ADGRB3: variants seen among roughly 807,000 people sequenced by gnomAD.
The protein encoded by ADGRB3 is brain-specific angiogenesis inhibitor 3.
ADGRB3 carries 37 observed loss-of-function variants against 193.4 expected under a neutral mutation model. That is an observed-to-expected ratio of 0.19 (90% CI 0.15 to 0.25). The LOEUF (loss-of-function observed/expected upper bound fraction) is 0.25. Ranked by LOEUF, ADGRB3 falls within the 10% of genes least tolerant of loss-of-function variation. ADGRB3 has a pLI of 1.00. For missense variants in ADGRB3, 1,637 were observed against 1,852.9 expected (o/e 0.88, Z 2.14); for synonymous variants, 690 against 644.2 (o/e 1.07, Z -1.08).
chr6:68,941,198 AT>A lies in ADGRB3; in HGVS notation c.1031-2629del, dbSNP rs1436415495. On this transcript the variant is annotated intron_variant, in intron 5 of 31. Transcript: ENST00000370598. Reference sequence around the variant, plus strand: ...CTGCAAAATTAAAAAATATATAACAATTTGCCATTAAAATAAAAATGTCTAA... The same window carrying A: ...CTGCAAAATTAAAAAATATATAACAATTGCCATTAAAATAAAAATGTCTAA... 2.6e-4 allele frequency among the ~76,000 whole-genome samples: 40 copies of A among 152,254 alleles called. 1 individual carries two copies. The highest frequency in any genetic ancestry group is 2.6e-3 in the Admixed American group (40 of 15,292).
chr6:68,856,723 G>A (rs1764995712), intron 3 of ADGRB3, among the ~76,000 whole-genome samples: 1 of 152,206 alleles, frequency 6.6e-6, no homozygotes, highest in African/African-American at 2.4e-5. Context: ...ATTTTCTGGG[G>A]AGAAATTCAA....
At chr6:69,137,507 A>G (rs1234686150) in intron 17 of ADGRB3, among the ~76,000 whole-genome samples, 1 of 152,104 alleles carries the variant, frequency 6.6e-6, no homozygotes, top group Non-Finnish European at 1.5e-5. Flanking sequence ...ACTGTAAGAA[A>G]TAGCCCCTTG....
chr6:68,745,851 A>T (rs1391793962), intron 3 of ADGRB3, among the ~76,000 whole-genome samples: 1 of 152,058 alleles, frequency 6.6e-6, no homozygotes, highest in Non-Finnish European at 1.5e-5. Context: ...ACTTCACAAT[A>T]TAACACAGCT....
intron 3 of ADGRB3, among the ~76,000 whole-genome samples, chr6:68,696,005 AG>A (rs1232562428): frequency 6.6e-6 from 1 of 151,930 alleles, no homozygotes; most frequent in East Asian, 1.9e-4. Context: ...TGCGACCCAA[AG>A]GGGGTAGTCT....
At chr6:69,173,490 G>A (rs1453879343) in intron 17 of ADGRB3, among the ~76,000 whole-genome samples, 1 of 152,180 alleles carries the variant, frequency 6.6e-6, no homozygotes, top group Non-Finnish European at 1.5e-5. Flanking sequence ...GATAAGACAG[G>A]TGTAAGAAAA....
rs117720666 is a variant in ADGRB3 at position 69,317,217 on chromosome 6, C to T, written c.2815-7655C>T. ...GGGTGAGTGGGCTTTTGAAAGGTAG[C>T]CTTCACAGTACGTACATCAAAGATG... is the stretch of plus-strand genomic sequence containing the variant. On this transcript the variant is annotated intron_variant, in intron 20 of 31. Transcript: ENST00000370598. 1.5e-4 allele frequency among the ~76,000 whole-genome samples: 22 copies of T among 151,492 alleles called. No homozygotes were observed. The East Asian group carries it at 4.1e-3, about 28-fold the overall frequency.
chr6:69,194,965 A>G (rs1765266463), intron 17 of ADGRB3, among the ~76,000 whole-genome samples: 1 of 152,144 alleles, frequency 6.6e-6, no homozygotes, highest in Non-Finnish European at 1.5e-5. Context: ...TTTTTTATTT[A>G]TCATATGGAC....
rs987600390 is a variant in ADGRB3, at chr6:68,889,046, G to A, written c.758-41513G>A. Among the ~76,000 whole-genome samples, 83 of 152,174 alleles carry A rather than the reference G, an allele frequency of 5.5e-4. 1 individual carries two copies. Among genetic ancestry groups the A allele is most frequent in the Non-Finnish European group, 1.3e-4 (9 of 68,028 alleles). On this transcript the variant is annotated intron_variant, in intron 3 of 31. Transcript: ENST00000370598. ...TACTTGTGTTTTGTCATGTTAGAAA[G>A]TACTTAAAGACAAAGGCTGTAAGAG...
chr6:69,332,437 C>G (rs1278336745), intron 23 of ADGRB3: 1 of 985,224 alleles, frequency 1.0e-6, no homozygotes, highest in African/African-American at 1.7e-5. Context: ...AAAGAATAAC[C>G]ACACAGCATG....
chr6:69,053,409 TTTA>T (rs1362589266), intron 15 of ADGRB3, among the ~76,000 whole-genome samples: 1 of 152,236 alleles, frequency 6.6e-6, no homozygotes, highest in East Asian at 1.9e-4. Flanking sequence ...TCTGTTACTA[TTTA>T]TTATTTTAAG....
intron 13 of ADGRB3, among the ~76,000 whole-genome samples, chr6:69,030,249 C>A (rs1234285691): frequency 6.6e-6 from 1 of 152,132 alleles, no homozygotes; most frequent in African/African-American, 2.4e-5. Flanking sequence ...CTTGACCCAG[C>A]AATCCCATTG....
chr6:68,654,159 TC>T (rs1220575325), intron 3 of ADGRB3, among the ~76,000 whole-genome samples: 1 of 152,058 alleles, frequency 6.6e-6, no homozygotes, highest in Non-Finnish European at 1.5e-5. Flanking sequence ...ATAATTAACA[TC>T]CCCTTTGAGT....
At chr6:69,357,329 G>A (rs1252670147) in intron 28 of ADGRB3, among the ~76,000 whole-genome samples, 1 of 151,880 alleles carries the variant, frequency 6.6e-6, no homozygotes, top group Non-Finnish European at 1.5e-5. Context: ...ATTTGTAAAG[G>A]TTTTGTTTTT....
intron 13 of ADGRB3, among the ~76,000 whole-genome samples, chr6:69,022,537 T>C (rs1051903123): frequency 1.3e-5 from 2 of 151,960 alleles, no homozygotes; most frequent in Non-Finnish European, 2.9e-5. Context: ...CTGAAGCTCC[T>C]ATTTGAAAAG....
At chr6:69,366,658 G>A (rs1769574459) in intron 29 of ADGRB3, among the ~76,000 whole-genome samples, 1 of 152,012 alleles carries the variant, frequency 6.6e-6, no homozygotes, top group African/African-American at 2.4e-5. Context: ...CCTGCAAATT[G>A]TCTTGATTCT....
intron 19 of ADGRB3, among the ~76,000 whole-genome samples, chr6:69,236,615 T>C (rs1766273480): frequency 6.6e-6 from 1 of 151,978 alleles, no homozygotes; most frequent in African/African-American, 2.4e-5. Context: ...GTAACATAAT[T>C]CATGCTCACT....
intron 30 of ADGRB3, among the ~76,000 whole-genome samples, chr6:69,374,641 C>T (rs532343167): frequency 1.3e-5 from 2 of 152,170 alleles, no homozygotes; most frequent in South Asian, 2.1e-4. Context: ...GTCTCCAGAA[C>T]AGCATTGCAT....
At chr6:69,011,330 A>G (rs767503393) in intron 11 of ADGRB3, among the ~76,000 whole-genome samples, 13 of 152,042 alleles carry the variant, frequency 8.6e-5, no homozygotes, top group Non-Finnish European at 1.5e-4. Context: ...GTGCTGCAAC[A>G]TGGATGCAGC....
intron 20 of ADGRB3, among the ~76,000 whole-genome samples, chr6:69,277,052 G>C (rs1275986216): frequency 6.8e-6 from 1 of 146,710 alleles, no homozygotes; most frequent in African/African-American, 2.5e-5. Flanking sequence ...CTGGAGTGCA[G>C]TGGCGTGATC....
Sources: gnomAD v4.1 joint callset for allele counts (sites outside exome capture counted in the v4.1 genomes callset) on GRCh38, gnomAD v4.1.1 for gene constraint, MANE v1.5 for transcripts, NCBI Gene and HGNC (gene_info 2026-07-23, HGNC 2026-07-21) for gene names.